Variants in DENND1B observed in about 807,000 individuals in gnomAD.
DENND1B encodes the protein DENN domain containing 1B.
DENND1B carries 59 observed loss-of-function variants against 90.1 expected under a neutral mutation model. The ratio of observed to expected loss-of-function variants is 0.65; its 90% confidence interval spans 0.53 to 0.81. The LOEUF (loss-of-function observed/expected upper bound fraction) is 0.81, where lower values mean the gene tolerates loss of function less well. Ranked by LOEUF, DENND1B falls within the 40% of genes least tolerant of loss-of-function variation. DENND1B has a pLI of 0.00. For missense variants in DENND1B, 862 were observed against 912.6 expected (o/e 0.94, Z 0.71); for synonymous variants, 337 against 324.6 (o/e 1.04, Z -0.41).
In DENND1B at chr1:197,662,019, T is replaced by A. The variant is rs76117322; in HGVS notation, c.297-3650A>T. Among the ~76,000 whole-genome samples the A allele has an allele frequency of 3.8e-4, 58 of 152,216 alleles. No homozygotes were observed. The East Asian group carries it at 0.011, about 28-fold the overall frequency. ...GGCATTTTGGTATCTACGTAATTATTACTGTTTTTTACATGTCCAAGATAA... is the reference window on the plus strand; with the variant it reads ...GGCATTTTGGTATCTACGTAATTATAACTGTTTTTTACATGTCCAAGATAA... On this transcript the variant is annotated intron_variant, in intron 5 of 22. Coordinates refer to ENST00000620048, the MANE Select transcript of DENND1B (RefSeq NM_001195215.2).
chr1:197,634,418 T>C (rs1226919575), intron 10 of DENND1B, among the ~76,000 whole-genome samples: 1 of 152,164 alleles, frequency 6.6e-6, no homozygotes, highest in Non-Finnish European at 1.5e-5. Context: ...TGAGGAACGA[T>C]TCAATGAATG....
chr1:197,701,897 C>T (rs960744498), intron 3 of DENND1B, among the ~76,000 whole-genome samples: 2 of 151,984 alleles, frequency 1.3e-5, no homozygotes, highest in African/African-American at 4.8e-5. Context: ...TTTTATAATT[C>T]TTACAATTTT....
At chr1:197,519,273 A>G (rs931299429) in intron 20 of DENND1B, among the ~76,000 whole-genome samples, 1 of 151,930 alleles carries the variant, frequency 6.6e-6, no homozygotes, top group Non-Finnish European at 1.5e-5. Flanking sequence ...GTCAGGCAGA[A>G]ATGTTTTCTG....
At chr1:197,741,121 C>T (rs576817941) in intron 2 of DENND1B, among the ~76,000 whole-genome samples, 3 of 152,236 alleles carry the variant, frequency 2.0e-5, no homozygotes, top group African/African-American at 7.2e-5. Flanking sequence ...AAGGATAAGA[C>T]AAGTAAATCA....
At chr1:197,686,488 C>G (rs182986219) in intron 3 of DENND1B, among the ~76,000 whole-genome samples, 20 of 152,172 alleles carry the variant, frequency 1.3e-4, no homozygotes, top group African/African-American at 4.8e-4. Context: ...CTAGTAATCT[C>G]TAGTTTCTAC....
chr1:197,606,940 T>A (rs1008258528), intron 13 of DENND1B, 133 bp downstream of exon 13: 16 of 646,660 alleles, frequency 2.5e-5, no homozygotes, highest in Non-Finnish European at 4.3e-5. Context: ...AGAATCAACA[T>A]TGATTTCTCT....
intron 15 of DENND1B, among the ~76,000 whole-genome samples, chr1:197,574,986 A>C (rs1005947100): frequency 3.3e-5 from 5 of 152,030 alleles, no homozygotes; most frequent in African/African-American, 1.2e-4. Flanking sequence ...AACCATAAAA[A>C]CCCTAGAAAA....
chr1:197,753,346 T>C lies in DENND1B; in HGVS notation c.82+19522A>G, dbSNP rs538034667. Reference sequence around the variant, plus strand: ...TTTCAAAAATTAAAAAAGGGAAATATCTCTGGAAAAGGCAAACTGTAGAGA... The same window carrying C: ...TTTCAAAAATTAAAAAAGGGAAATACCTCTGGAAAAGGCAAACTGTAGAGA... On this transcript the variant is annotated intron_variant, in intron 2 of 22. Coordinates refer to ENST00000620048, the MANE Select transcript of DENND1B (RefSeq NM_001195215.2). Among the ~76,000 whole-genome samples, 25 of 151,950 alleles carry C rather than the reference T, an allele frequency of 1.6e-4. No individual in the cohort carries two copies. The South Asian group carries it at 4.8e-3, about 29-fold the overall frequency.
intron 10 of DENND1B, among the ~76,000 whole-genome samples, chr1:197,618,550 G>A (rs947878681): frequency 6.6e-6 from 1 of 150,824 alleles, no homozygotes; most frequent in Non-Finnish European, 1.5e-5. Context: ...ACATTTTTTA[G>A]TACTTAACAA....
chr1:197,627,285 T>C (rs879719483), intron 10 of DENND1B, among the ~76,000 whole-genome samples: 2 of 152,098 alleles, frequency 1.3e-5, no homozygotes, highest in African/African-American at 2.4e-5. Flanking sequence ...CTCAATAGAA[T>C]ACTGGAAAAC....
At chr1:197,546,093 C>G in intron 17 of DENND1B, 103 bp from the exon 18 acceptor site, 1 of 867,430 alleles carries the variant, frequency 1.2e-6, no homozygotes. Flanking sequence ...GGGCTTTACT[C>G]ACAACTTAAA....
chr1:197,508,478 C>T lies in DENND1B; in HGVS notation c.*1982G>A, dbSNP rs1397125065. On this transcript the variant is annotated 3_prime_UTR_variant, in exon 23 of 23. Coordinates refer to ENST00000620048, the MANE Select transcript of DENND1B (RefSeq NM_001195215.2). ...TTTTCCTTAATGTATACAGTCCATACTTATAAGGGAAACAAGAATTGTCTT... is the reference window on the plus strand; with the variant it reads ...TTTTCCTTAATGTATACAGTCCATATTTATAAGGGAAACAAGAATTGTCTT... The T allele has an allele frequency of 5.9e-5, 9 of 151,660 alleles. No individual in the cohort carries two copies. 9.4% of individuals were successfully genotyped at this position (151,660 alleles called of 1,614,324 possible). A position where few individuals can be genotyped will look rare whatever the true frequency, so the allele number is the denominator to read the frequency against.
intron 14 of DENND1B, among the ~76,000 whole-genome samples, chr1:197,586,702 CA>C (rs1385211876): frequency 1.3e-5 from 2 of 152,232 alleles, no homozygotes; most frequent in African/African-American, 4.8e-5. Flanking sequence ...GTTCTTGGTT[CA>C]ATTGATTTTC....
chr1:197,695,663 T>C (rs79480403), intron 3 of DENND1B, among the ~76,000 whole-genome samples: 1,370 of 124,010 alleles, frequency 0.011, 19 homozygotes, highest in African/African-American at 0.036. Flanking sequence ...GAAAAAACAA[T>C]AGTTGATATA....
intron 10 of DENND1B, among the ~76,000 whole-genome samples, chr1:197,624,961 T>C (rs1678528755): frequency 1.3e-5 from 2 of 151,694 alleles, no homozygotes; most frequent in South Asian, 4.2e-4. Flanking sequence ...AAGGGAAATT[T>C]AGAGAAAAAA....
At chr1:197,684,934 T>C (rs867083894) in intron 3 of DENND1B, among the ~76,000 whole-genome samples, 5 of 151,996 alleles carry the variant, frequency 3.3e-5, no homozygotes, top group Admixed American at 2.6e-4. Context: ...CTGGGCAACA[T>C]GGTAAAACCC....
intron 2 of DENND1B, among the ~76,000 whole-genome samples, chr1:197,746,168 G>C (rs1289941495): frequency 2.0e-5 from 3 of 152,138 alleles, no homozygotes; most frequent in Non-Finnish European, 2.9e-5. Context: ...AAGGCAGATG[G>C]ATCATATCAG....
chr1:197,696,029 T>C (rs1658398564), intron 3 of DENND1B, among the ~76,000 whole-genome samples: 1 of 151,294 alleles, frequency 6.6e-6, no homozygotes, highest in Non-Finnish European at 1.5e-5. Context: ...CCTTAACTCC[T>C]ACCTGCATCC....
chr1:197,772,272 T>C (rs950626778), intron 2 of DENND1B, among the ~76,000 whole-genome samples: 1 of 152,180 alleles, frequency 6.6e-6, no homozygotes, highest in African/African-American at 2.4e-5. Context: ...AAACTAATGA[T>C]AACTTTACCA....
Sources: gnomAD v4.1 joint callset for allele counts (sites outside exome capture counted in the v4.1 genomes callset) on GRCh38, gnomAD v4.1.1 for gene constraint, MANE v1.5 for transcripts, NCBI Gene and HGNC (gene_info 2026-07-23, HGNC 2026-07-21) for gene names.